The following HS6ST3 variants were observed in gnomAD, a reference collection of about 807,000 sequenced individuals.
The protein encoded by HS6ST3 is heparan sulfate 6-O-sulfotransferase 3, also known as heparan-sulfate 6-O-sulfotransferase 3.
In HS6ST3, 12 loss-of-function variants were observed where a neutral mutation model predicts 36.7. The ratio of observed to expected loss-of-function variants is 0.33; its 90% CI spans 0.21 to 0.53. The LOEUF (loss-of-function observed/expected upper bound fraction) is 0.53, where lower values mean the gene tolerates loss of function less well. Among genes scored for constraint, HS6ST3 ranks in the 20% least tolerant of loss-of-function variants. HS6ST3 has a pLI of 0.95. For missense variants in HS6ST3, 584 were observed against 640.9 expected (o/e 0.91, Z 0.96); for synonymous variants, 240 against 257.5 (o/e 0.93, Z 0.65).
chr13:96,361,104 C>T (rs546859510), intron 1 of HS6ST3, among the ~76,000 whole-genome samples: 1 of 152,230 alleles, frequency 6.6e-6, no homozygotes, highest in Admixed American at 6.5e-5. Flanking sequence ...CTATTAATAG[C>T]TAACAAGTTG....
chr13:96,166,575 C>CTTTTTTT (rs765190619), intron 1 of HS6ST3, among the ~76,000 whole-genome samples: 16 of 131,568 alleles, frequency 1.2e-4, no homozygotes, highest in Non-Finnish European at 1.6e-4. Context: ...TTCTTTCTTT[C>CTTTTTTT]TTTTTTTTTT....
intron 1 of HS6ST3, among the ~76,000 whole-genome samples, chr13:96,143,686 C>T (rs1362753081): frequency 6.6e-6 from 1 of 151,986 alleles, no homozygotes; most frequent in Non-Finnish European, 1.5e-5. Flanking sequence ...TTTCTAGACA[C>T]ACTCTAAACA....
intron 1 of HS6ST3, among the ~76,000 whole-genome samples, chr13:96,292,481 C>T (rs2054834965): frequency 6.6e-6 from 1 of 151,890 alleles, no homozygotes; most frequent in Admixed American, 6.6e-5. Context: ...TTTATTAAAG[C>T]CAAGTGGTAT....
At position 96,835,712 on chromosome 13, in the gene HS6ST3, T is replaced by C. The variant is rs1566465396; in HGVS notation, c.*2514T>C. ...CAGATTGTTTCTTTTAAACTCACTT[T>C]AAAATTTTGGCAAGGAATTCATGCA... On this transcript the variant is annotated 3_prime_UTR_variant, in exon 2 of 2. Coordinates refer to ENST00000376705, the MANE Select transcript of HS6ST3 (RefSeq NM_153456.4). 1 of 152,160 alleles carries C rather than the reference T, an allele frequency of 6.6e-6. No individual in the cohort carries two copies. The highest frequency in any genetic ancestry group is 1.5e-5 in the Non-Finnish European group (1 of 68,062). The allele number at this position is 152,160 out of a possible 1,614,324, so 9.4% of individuals were successfully genotyped here.
At chr13:96,253,415 G>T (rs920461638) in intron 1 of HS6ST3, among the ~76,000 whole-genome samples, 2 of 152,162 alleles carry the variant, frequency 1.3e-5, no homozygotes, top group Non-Finnish European at 2.9e-5. Context: ...GTACTTAGCT[G>T]TGCCACTTTG....
intron 1 of HS6ST3, among the ~76,000 whole-genome samples, chr13:96,742,965 G>T (rs1244993182): frequency 6.6e-6 from 1 of 152,110 alleles, no homozygotes; most frequent in South Asian, 2.1e-4. Flanking sequence ...GATTGTCAGT[G>T]TTGGAGTGGA....
intron 1 of HS6ST3, among the ~76,000 whole-genome samples, chr13:96,130,850 T>C (rs1015196760): frequency 1.1e-5 from 1 of 87,894 alleles, no homozygotes; most frequent in Non-Finnish European, 2.5e-5. Context: ...TTATTGCTGC[T>C]TTCAGATTTT....
intron 1 of HS6ST3, among the ~76,000 whole-genome samples, chr13:96,473,585 C>T (rs975656550): frequency 1.3e-5 from 2 of 152,202 alleles, no homozygotes; most frequent in African/African-American, 2.4e-5. Flanking sequence ...TCCAGCTGCT[C>T]AGGCGGCAGC....
chr13:96,821,942 C>T (rs1394275335), intron 1 of HS6ST3, among the ~76,000 whole-genome samples: 1 of 152,202 alleles, frequency 6.6e-6, no homozygotes, highest in East Asian at 1.9e-4. Flanking sequence ...GCACACATGC[C>T]TTGCTCTTAA....
chr13:96,778,040 C>T (rs1003823693), intron 1 of HS6ST3, among the ~76,000 whole-genome samples: 1 of 152,156 alleles, frequency 6.6e-6, no homozygotes, highest in African/African-American at 2.4e-5. Context: ...ACCATCTGAT[C>T]TTTGACAAAC....
chr13:96,377,280 G>A (rs1434642520), intron 1 of HS6ST3, among the ~76,000 whole-genome samples: 1 of 151,638 alleles, frequency 6.6e-6, no homozygotes, highest in East Asian at 1.9e-4. Flanking sequence ...GCTTGTGCCT[G>A]GTAGTTCGAC....
chr13:96,551,020 T>A (rs1052593844), intron 1 of HS6ST3, among the ~76,000 whole-genome samples: 10 of 152,202 alleles, frequency 6.6e-5, no homozygotes, highest in Admixed American at 3.9e-4. Context: ...ATTTAACCTT[T>A]AACTCTGTCC....
intron 1 of HS6ST3, among the ~76,000 whole-genome samples, chr13:96,661,294 A>G (rs369886560): frequency 6.6e-6 from 1 of 152,086 alleles, no homozygotes; most frequent in East Asian, 1.9e-4. Context: ...GTCTAGTAAC[A>G]TTGTTTTATG....
chr13:96,609,033 G>A (rs562610323), intron 1 of HS6ST3, among the ~76,000 whole-genome samples: 1 of 152,118 alleles, frequency 6.6e-6, no homozygotes, highest in Admixed American at 6.5e-5. Flanking sequence ...GCAGTGGCAC[G>A]ATCTCAGCTC....
chr13:96,741,058 C>CTTT (rs1439880634), intron 1 of HS6ST3, among the ~76,000 whole-genome samples: 1 of 152,136 alleles, frequency 6.6e-6, no homozygotes, highest in Non-Finnish European at 1.5e-5. Flanking sequence ...AGAAACAATC[C>CTTT]ATTCTTTATT....
At chr13:96,160,787 G>A (rs931689177) in intron 1 of HS6ST3, among the ~76,000 whole-genome samples, 1 of 152,218 alleles carries the variant, frequency 6.6e-6, no homozygotes, top group Non-Finnish European at 1.5e-5. Flanking sequence ...TGATGGGGCA[G>A]ATGGATGTAC....
At chr13:96,636,964 A>G (rs753004554) in intron 1 of HS6ST3, among the ~76,000 whole-genome samples, 1 of 152,142 alleles carries the variant, frequency 6.6e-6, no homozygotes, top group Non-Finnish European at 1.5e-5. Flanking sequence ...ACAGAAAAAG[A>G]AGTTTTAGAA....
Position 96,242,032 on chromosome 13 carries a change from G to A in HS6ST3, c.707+150463G>A, listed in dbSNP as rs1242896415. ...GATCTCCTGACCTCGTGATCCGCCC[G>A]CCTCGGCCTCCCAAAGTGCTGAGAT... On this transcript the variant is annotated intron_variant, in intron 1 of 1. Coordinates refer to ENST00000376705, the MANE Select transcript of HS6ST3 (RefSeq NM_153456.4). Among the ~76,000 whole-genome samples, 6 of 151,834 alleles carry A rather than the reference G, an allele frequency of 4.0e-5. No individual in the cohort carries two copies. In the East Asian group the frequency reaches 5.9e-4, roughly 15 times the overall value.
At chr13:96,460,360 CG>C (rs1475576854) in intron 1 of HS6ST3, among the ~76,000 whole-genome samples, 1 of 152,056 alleles carries the variant, frequency 6.6e-6, no homozygotes, top group African/African-American at 2.4e-5. Flanking sequence ...TTTAAGTTGT[CG>C]ATGGTTTTAT....
Sources: allele counts gnomAD v4.1 joint callset (sites outside exome capture counted in the v4.1 genomes callset), GRCh38; gene constraint gnomAD v4.1.1; transcripts MANE v1.5; gene names NCBI Gene and HGNC (gene_info 2026-07-23, HGNC 2026-07-21).